Variants in SDK2 observed in about 807,000 individuals in gnomAD.
SDK2 encodes the protein protein sidekick-2.
In SDK2, 105 loss-of-function variants were observed where a neutral mutation model predicts 253.9. The ratio of observed to expected loss-of-function variants is 0.41; its 90% CI spans 0.35 to 0.49. The LOEUF is 0.49. SDK2 is among the 20% of genes least tolerant of loss of function. SDK2 has a pLI of 0.06. For synonymous variants in SDK2, 1,249 were observed against 1,234.9 expected (o/e 1.01, Z -0.24); for missense variants, 2,608 against 3,003.0 (o/e 0.87, Z 3.07).
chr17:73,565,236 T>C (rs1212448477), intron 1 of SDK2, among the ~76,000 whole-genome samples: 3 of 152,156 alleles, frequency 2.0e-5, no homozygotes, highest in Non-Finnish European at 4.4e-5. Flanking sequence ...ATTCTGTATA[T>C]AAATTCTACC....
In SDK2 at chr17:73,523,641, C is replaced by T. The variant is rs958977379; in HGVS notation, c.65-16044G>A. 6.6e-5 allele frequency among the ~76,000 whole-genome samples: 10 copies of T among 152,172 alleles called. 1 individual carries two copies. Among genetic ancestry groups the T allele is most frequent in the South Asian group, 2.1e-4 (1 of 4,822 alleles). On this transcript the variant is annotated intron_variant, in intron 1 of 44. Transcript: ENST00000392650. ...CTTCCCTTACAGACTGCAGAGGGAG[C>T]GTGGCCTTGCTGGGCACTTTGATTT...
rs1281473801 is a variant in SDK2, at chr17:73,379,285, T to A, written c.4872A>T (p.Thr1624=). ...GGACGACCACGTTACGAGGTGCTGCTGTGGGCACTGGAGGGCGTGCAGGGT... is the reference window on the plus strand; with the variant it reads ...GGACGACCACGTTACGAGGTGCTGCAGTGGGCACTGGAGGGCGTGCAGGGT... ...QEVFVGEAVP[T]AAPRNVVVHG... is the part of the protein sequence containing the mutation. Residue 1624 remains threonine, a synonymous_variant, in exon 36 of 45, where the codon ACA becomes ACT. Transcript: ENST00000392650. This position sits in a 1 kb window ranked among gnomAD's most constrained non-coding sequence, Gnocchi z 4.5. 6.4e-7 allele frequency: 1 copy of A among 1,552,444 alleles called. No individual in the cohort carries two copies. The highest frequency in any genetic ancestry group is 1.7e-4 in the Middle Eastern group (1 of 6,000).
chr17:73,394,409 G>T (rs1425485904), intron 25 of SDK2, 85 bp from the exon 26 acceptor site: 4 of 771,840 alleles, frequency 5.2e-6, no homozygotes, highest in Non-Finnish European at 7.4e-6. Context: ...GGGGGCCGAG[G>T]GAGGGGCCAG....
At chr17:73,387,202 C>A (rs2062879585) in intron 30 of SDK2, among the ~76,000 whole-genome samples, 2 of 152,236 alleles carry the variant, frequency 1.3e-5, no homozygotes, top group Admixed American at 1.3e-4. Context: ...TCAAGTGATC[C>A]TCCCGCCTCG....
At chr17:73,510,531 G>C (rs371069455) in intron 1 of SDK2, among the ~76,000 whole-genome samples, 1 of 152,132 alleles carries the variant, frequency 6.6e-6, no homozygotes, top group Non-Finnish European at 1.5e-5. Context: ...ACAGGGTCTC[G>C]GTCGGTTGCC....
At position 73,379,586 on chromosome 17, in the gene SDK2, G is replaced by T; in HGVS notation, c.4763-37C>A. On this transcript the variant is annotated intron_variant, in intron 34 of 44. Transcript: ENST00000392650. The surrounding 1 kb of genome is among the most constrained non-coding windows in gnomAD (Gnocchi z 4.5). ...AGTGGGGGAGGGGAAGCACACTGAGGTCACCGTCATTGCTGGGAAGGTGTC... is the reference window on the plus strand; with the variant it reads ...AGTGGGGGAGGGGAAGCACACTGAGTTCACCGTCATTGCTGGGAAGGTGTC... The T allele has an allele frequency of 1.5e-6, 2 of 1,321,764 alleles. No individual in the cohort carries two copies. Among genetic ancestry groups the T allele is most frequent in the Non-Finnish European group, 2.2e-6 (2 of 929,768 alleles). 81.9% of individuals were successfully genotyped at this position (1,321,764 alleles called of 1,614,324 possible).
chr17:73,532,602 G>T (rs2064178328), intron 1 of SDK2, among the ~76,000 whole-genome samples: 1 of 152,224 alleles, frequency 6.6e-6, no homozygotes, highest in African/African-American at 2.4e-5. Flanking sequence ...GACGTTGCCA[G>T]ACAATGAAAT....
At position 73,365,188 on chromosome 17, in the gene SDK2, T is replaced by G. The variant is rs1056638512; in HGVS notation, c.5305+70A>C. The G allele has an allele frequency of 3.3e-6, 4 of 1,205,698 alleles. No individual in the cohort carries two copies. In the African/African-American group the frequency reaches 6.3e-5, roughly 19 times the overall value. The allele number at this position is 1,205,698 out of a possible 1,614,324, so 74.7% of individuals were successfully genotyped here. Reference sequence around the variant, plus strand: ...TCTCACTCATGTGTAGTGGCTGTGATGGGCGCTGAGATGAGAGCGAGCTTT... The same window carrying G: ...TCTCACTCATGTGTAGTGGCTGTGAGGGGCGCTGAGATGAGAGCGAGCTTT... On this transcript the variant is annotated intron_variant, in intron 38 of 44. Transcript: ENST00000392650.
intron 18 of SDK2, among the ~76,000 whole-genome samples, chr17:73,405,941 T>C (rs1599533248): frequency 6.6e-6 from 1 of 152,088 alleles, no homozygotes; most frequent in South Asian, 2.1e-4. Flanking sequence ...GCCAGGATGG[T>C]CTCGATTTCC....
In SDK2 at chr17:73,337,916, AC is replaced by A. The variant is rs1221178975; in HGVS notation, c.*670del. 1 of 152,166 alleles carries A rather than the reference AC, an allele frequency of 6.6e-6. No homozygotes were observed. 9.4% of individuals were successfully genotyped at this position (152,166 alleles called of 1,614,324 possible). ...CAAGGAAGGCGCTAAGCAAATTCTC[AC>A]CCTTTAGTTTTTTGTTTTTTGTTTT... On this transcript the variant is annotated 3_prime_UTR_variant, in exon 45 of 45. Transcript: ENST00000392650.
rs577208259 is a variant in SDK2, at chr17:73,404,403, C to T, written c.2485-2262G>A. On this transcript the variant is annotated intron_variant, in intron 18 of 44. Coordinates refer to ENST00000392650, the MANE Select transcript of SDK2 (RefSeq NM_001144952.2). ...CTAAAGGGATTGGGCTCTGGGCAGC[C>T]GTGGGATGGAACTTCAGTGCTCAGC... is the stretch of plus-strand genomic sequence containing the variant. Among the ~76,000 whole-genome samples, 8 of 152,230 alleles carry T rather than the reference C, an allele frequency of 5.3e-5. No individual in the cohort carries two copies. In the South Asian group the frequency reaches 8.3e-4, roughly 16 times the overall value.
At chr17:73,542,516 A>G (rs1452192790) in intron 1 of SDK2, among the ~76,000 whole-genome samples, 1 of 152,192 alleles carries the variant, frequency 6.6e-6, no homozygotes, top group Admixed American at 6.5e-5. Context: ...AGGGCTCTCA[A>G]TGAGCAGCCG....
At chr17:73,483,657 G>A (rs1567799148) in intron 2 of SDK2, among the ~76,000 whole-genome samples, 35 of 38,266 alleles carry the variant, frequency 9.1e-4, no homozygotes, top group African/African-American at 2.8e-3. Flanking sequence ...GTGTGTGTGT[G>A]TGTGTATATA....
Position 73,352,708 on chromosome 17 carries a change from T to A in SDK2, c.5594-71A>T. 1 of 1,516,134 alleles carries A rather than the reference T, an allele frequency of 6.6e-7. No homozygotes were observed. The highest frequency in any genetic ancestry group is 9.1e-7 in the Non-Finnish European group (1 of 1,102,780). The allele number at this position is 1,516,134 out of a possible 1,614,324, so 93.9% of individuals were successfully genotyped here. ...CCAAATCCCGCTCCCAGCCCCGTTC[T>A]GACTATGCTCCCTGAGGGCTGGGCC... On this transcript the variant is annotated intron_variant, in intron 40 of 44. Coordinates refer to ENST00000392650, the MANE Select transcript of SDK2 (RefSeq NM_001144952.2). The surrounding 1 kb of genome is among the most constrained non-coding windows in gnomAD (Gnocchi z 4.1).
At chr17:73,573,209 C>A (rs1199867005) in intron 1 of SDK2, among the ~76,000 whole-genome samples, 1 of 152,178 alleles carries the variant, frequency 6.6e-6, no homozygotes, top group South Asian at 2.1e-4. Flanking sequence ...GGCCAGCAGG[C>A]GGTCGTTGGG....
intron 1 of SDK2, among the ~76,000 whole-genome samples, chr17:73,585,017 A>G (rs1217776145): frequency 1.3e-5 from 2 of 152,198 alleles, no homozygotes; most frequent in Non-Finnish European, 2.9e-5. Flanking sequence ...GGGTCCACAC[A>G]CTGCTCAGGG....
intron 18 of SDK2, among the ~76,000 whole-genome samples, chr17:73,413,581 A>G (rs1008251483): frequency 3.9e-5 from 6 of 152,132 alleles, no homozygotes; most frequent in African/African-American, 1.4e-4. Context: ...TAGCAGCCCA[A>G]ATGCATTTCT....
intron 21 of SDK2, among the ~76,000 whole-genome samples, chr17:73,400,757 G>C (rs2063016645): frequency 1.3e-5 from 2 of 151,788 alleles, no homozygotes; most frequent in Non-Finnish European, 2.9e-5. Flanking sequence ...GGGTTCAAGC[G>C]ATCTTCCATC....
chr17:73,479,259 G>A (rs62074101), intron 2 of SDK2, among the ~76,000 whole-genome samples: 40,815 of 152,182 alleles, frequency 0.27, 6,146 homozygotes, highest in East Asian at 0.42. Context: ...CTGAGCTCGG[G>A]AACCCAGATT....
Sources: allele counts gnomAD v4.1 joint callset (sites outside exome capture counted in the v4.1 genomes callset), GRCh38; gene constraint gnomAD v4.1.1; non-coding constraint Gnocchi (gnomAD v3.1); transcripts MANE v1.5; gene names NCBI Gene and HGNC (gene_info 2026-07-23, HGNC 2026-07-21).